The following LRRC4C variants were observed in gnomAD, a reference collection of about 807,000 sequenced individuals.
LRRC4C encodes the protein leucine rich repeat containing 4C, also known as leucine-rich repeat-containing protein 4C.
A neutral mutation model predicts 33.6 loss-of-function variants in LRRC4C; 5 were observed. That is an observed-to-expected ratio of 0.15 (90% CI 0.08 to 0.31). The LOEUF (loss-of-function observed/expected upper bound fraction) is 0.31. LRRC4C is among the 10% of genes least tolerant of loss of function. The pLI, the probability that LRRC4C is intolerant of heterozygous loss-of-function variation, is 1.00. For missense variants in LRRC4C, 560 were observed against 796.7 expected (o/e 0.70, Z 3.58); for synonymous variants, 329 against 302.0 (o/e 1.09, Z -0.93).
At chr11:41,247,005 G>C (rs1207278362) in intron 1 of LRRC4C, among the ~76,000 whole-genome samples, 1 of 152,160 alleles carries the variant, frequency 6.6e-6, no homozygotes, top group Non-Finnish European at 1.5e-5. Flanking sequence ...CACCCCACCG[G>C]GTGAAGGTAG....
intron 3 of LRRC4C, among the ~76,000 whole-genome samples, chr11:40,580,128 T>G (rs547122185): frequency 6.6e-6 from 1 of 151,750 alleles, no homozygotes; most frequent in Non-Finnish European, 1.5e-5. Context: ...TGCTACTGTA[T>G]TAGTCGGTTT....
intron 3 of LRRC4C, among the ~76,000 whole-genome samples, chr11:40,561,308 G>C (rs377616057): frequency 1.8e-4 from 28 of 151,862 alleles, no homozygotes; most frequent in African/African-American, 6.8e-4. Flanking sequence ...GAAGGGATTG[G>C]ACTGCAGAAT....
At chr11:41,336,436 GGT>G (rs1163009036) in intron 1 of LRRC4C, among the ~76,000 whole-genome samples, 1 of 119,290 alleles carries the variant, frequency 8.4e-6, no homozygotes, top group Non-Finnish European at 1.9e-5. Context: ...AAAAATAAAA[GGT>G]GGGGAAAAAA....
intron 1 of LRRC4C, among the ~76,000 whole-genome samples, chr11:41,082,864 C>G (rs16935333): frequency 0.081 from 12,364 of 152,018 alleles, 623 homozygotes; most frequent in East Asian, 0.21. Context: ...CCAGAGGTCT[C>G]AAAAAATAGC....
At chr11:40,855,315 C>T (rs545144430) in intron 2 of LRRC4C, among the ~76,000 whole-genome samples, 36 of 152,250 alleles carry the variant, frequency 2.4e-4, no homozygotes, top group African/African-American at 8.4e-4. Context: ...ATGAAAAACC[C>T]AATGAAATGT....
intron 1 of LRRC4C, among the ~76,000 whole-genome samples, chr11:41,298,174 T>C (rs1950192695): frequency 6.6e-6 from 1 of 152,184 alleles, no homozygotes; most frequent in African/African-American, 2.4e-5. Flanking sequence ...GTTTTTAGTT[T>C]GCAGTTCTTT....
intron 2 of LRRC4C, among the ~76,000 whole-genome samples, chr11:40,869,285 CTAGTATTAT>C (rs913144796): frequency 9.9e-5 from 15 of 152,056 alleles, no homozygotes; most frequent in Non-Finnish European, 1.8e-4. Context: ...AATAACAGCT[CTAGTATTAT>C]TATTGAAGAC....
intron 1 of LRRC4C, among the ~76,000 whole-genome samples, chr11:41,170,664 CT>C: frequency 6.6e-6 from 1 of 152,204 alleles, no homozygotes; most frequent in South Asian, 2.1e-4. Flanking sequence ...AGAAGAAAAC[CT>C]AGGCAATACC....
At chr11:40,777,657 G>A (rs1312345070) in intron 2 of LRRC4C, among the ~76,000 whole-genome samples, 1 of 151,578 alleles carries the variant, frequency 6.6e-6, no homozygotes, top group Non-Finnish European at 1.5e-5. Context: ...GTATCTTAAA[G>A]ACAGCAGACA....
rs183119791 is a variant in LRRC4C, at chr11:40,115,878, T to C, written c.415A>G (p.Ile139Val). ...LELFDNRLTT[I>V]PNGAFVYLSK... ...AAGTATACAAAAGCTCCATTCGGGA[T>C]GGTAGTAAGACGATTGTCAAAGAGT... is the stretch of plus-strand genomic sequence containing the variant. The change falls in exon 7 of 7, where the codon ATC becomes GTC. Residue 139 changes from isoleucine to valine, a missense_variant. Transcript: ENST00000528697. The surrounding 1 kb of genome is among the most constrained non-coding windows in gnomAD (Gnocchi z 6.7). 2.5e-5 allele frequency: 40 copies of C among 1,614,102 alleles called. No homozygotes were observed. The Admixed American group carries it at 6.7e-4, about 27-fold the overall frequency.
At chr11:40,512,084 C>T (rs1955345372) in intron 3 of LRRC4C, among the ~76,000 whole-genome samples, 1 of 152,060 alleles carries the variant, frequency 6.6e-6, no homozygotes, top group Admixed American at 6.6e-5. Flanking sequence ...GATACCTTGC[C>T]CTATATCCTA....
chr11:41,318,703 AGATATTTCCCACTATG>A (rs1367077481), intron 1 of LRRC4C, among the ~76,000 whole-genome samples: 1 of 151,974 alleles, frequency 6.6e-6, no homozygotes, highest in African/African-American at 2.4e-5. Flanking sequence ...GCTCTTTCCT[AGATATTTCCCACTATG>A]TGTGTTTGTG....
intron 3 of LRRC4C, among the ~76,000 whole-genome samples, chr11:40,647,403 G>A (rs1443831362): frequency 6.6e-6 from 1 of 151,952 alleles, no homozygotes. Context: ...AAAAGAGATT[G>A]TTTCAGTTTT....
chr11:41,087,819 A>G (rs1322650985), intron 1 of LRRC4C, among the ~76,000 whole-genome samples: 1 of 152,188 alleles, frequency 6.6e-6, no homozygotes, highest in Admixed American at 6.6e-5. Context: ...AGTGATTGTT[A>G]ACATTAAATA....
At chr11:40,679,245 T>A (rs936231315) in intron 2 of LRRC4C, among the ~76,000 whole-genome samples, 1 of 152,116 alleles carries the variant, frequency 6.6e-6, no homozygotes, top group Non-Finnish European at 1.5e-5. Flanking sequence ...AAGAGTTGAC[T>A]TGGGTGCTGT....
intron 3 of LRRC4C, among the ~76,000 whole-genome samples, chr11:40,416,333 G>T (rs1197908328): frequency 6.6e-6 from 1 of 152,150 alleles, no homozygotes; most frequent in African/African-American, 2.4e-5. Flanking sequence ...AGATGAGCAG[G>T]AGTAGAGGCA....
intron 3 of LRRC4C, among the ~76,000 whole-genome samples, chr11:40,528,385 T>C (rs1028005945): frequency 6.6e-6 from 1 of 152,030 alleles, no homozygotes; most frequent in African/African-American, 2.4e-5. Context: ...CCAATAAGTA[T>C]TATAAAAAGA....
At chr11:40,363,753 C>T (rs189392577) in intron 3 of LRRC4C, among the ~76,000 whole-genome samples, 10 of 152,184 alleles carry the variant, frequency 6.6e-5, no homozygotes, top group East Asian at 5.8e-4. Context: ...AACACTTGCC[C>T]GGTAATGGCA....
chr11:40,608,460 G>A (rs1006997563), intron 3 of LRRC4C, among the ~76,000 whole-genome samples: 3 of 151,808 alleles, frequency 2.0e-5, no homozygotes, highest in African/African-American at 7.3e-5. Flanking sequence ...AAGGAAGACA[G>A]CAAAAGAAAA....
Sources: gnomAD v4.1 joint callset for allele counts (sites outside exome capture counted in the v4.1 genomes callset) on GRCh38, gnomAD v4.1.1 for gene constraint, Gnocchi (gnomAD v3.1) non-coding constraint, MANE v1.5 for transcripts, NCBI Gene and HGNC (gene_info 2026-07-23, HGNC 2026-07-21) for gene names.